Variants in RNF31 observed in about 807,000 individuals in gnomAD.
RNF31 encodes the protein ring finger protein 31.
Under a neutral mutation model 133.6 loss-of-function variants are expected in RNF31, and 38 were observed. That is an observed-to-expected ratio of 0.28 (90% CI 0.22 to 0.37). RNF31 has a LOEUF of 0.37. Among genes scored for constraint, RNF31 ranks in the 10% least tolerant of loss-of-function variants. The probability of loss-of-function intolerance (pLI) is 1.00; values close to 1 mark genes in which losing one functional copy is unlikely to be tolerated. For synonymous variants in RNF31, 582 were observed against 552.3 expected, an observed-to-expected ratio of 1.05 and a Z score of -0.75; for missense variants, 1,118 against 1,394.1, an observed-to-expected ratio of 0.80 and a Z score of 3.15.
intron 15 of RNF31, 45 bp downstream of exon 15, chr14:24,157,449 G>T (rs768483180): frequency 6.6e-5 from 106 of 1,602,590 alleles, no homozygotes; most frequent in South Asian, 5.2e-4. Context: ...GCCTGTCATT[G>T]CCAGCAGCTC....
At chr14:24,152,134 AG>A (rs2139082461) in intron 11 of RNF31, 142 bp downstream of exon 11, 1 of 757,316 alleles carries the variant, frequency 1.3e-6, no homozygotes, top group Admixed American at 3.0e-5. Flanking sequence ...GGGGGAAGTC[AG>A]GAACAGGCTT....
intron 5 of RNF31, chr14:24,149,127 C>T (rs1173606336): frequency 1.7e-6 from 1 of 594,622 alleles, no homozygotes; most frequent in African/African-American, 1.9e-5. Context: ...CCGCGCTCGG[C>T]TAATTTTGTA....
At position 24,149,497 on chromosome 14, in the gene RNF31, C is replaced by T. The variant is rs1255224858; in HGVS notation, c.723C>T (p.Asp241=). 1 of 1,614,154 alleles carries T rather than the reference C, an allele frequency of 6.2e-7. No homozygotes were observed. Among genetic ancestry groups the T allele is most frequent in the Non-Finnish European group, 8.5e-7 (1 of 1,180,022 alleles). ...SCKQALCPAC[D]HLFHGHPSRA... is the part of the protein sequence containing the mutation. ...AACAGGCCCTGTGTCCAGCCTGTGA[C>T]CACCTGTTCCATGGACACCCATCCC... is the stretch of plus-strand genomic sequence containing the variant. Residue 241 remains aspartate (D), a synonymous_variant, in exon 6 of 21, where the codon GAC becomes GAT. Coordinates refer to ENST00000324103, the MANE Select transcript of RNF31 (RefSeq NM_017999.5).
In RNF31 at chr14:24,151,478, C is replaced by A; in HGVS notation, c.1738-7C>A. ...CTTCATTCCCCCTTGCCACTCCCATCTTGCAGGTGCAGGAGCTCCAGTCTC... is the reference window on the plus strand; with the variant it reads ...CTTCATTCCCCCTTGCCACTCCCATATTGCAGGTGCAGGAGCTCCAGTCTC... On this transcript the variant is annotated splice_region_variant and splice_polypyrimidine_tract_variant and intron_variant, in intron 9 of 20. Coordinates refer to ENST00000324103, the MANE Select transcript of RNF31 (RefSeq NM_017999.5). This position sits in a 1 kb window ranked among gnomAD's most constrained non-coding sequence, Gnocchi z 5.3. The A allele has an allele frequency of 6.2e-7, 1 of 1,614,072 alleles. No individual in the cohort carries two copies. The highest frequency in any genetic ancestry group is 1.1e-5 in the South Asian group (1 of 91,082).
At chr14:24,157,483 A>C (rs1458264611) in intron 15 of RNF31, 37 bp from the exon 16 acceptor site, 1 of 1,603,812 alleles carries the variant, frequency 6.2e-7, no homozygotes, top group Admixed American at 1.7e-5. Context: ...CTTGAGTTGC[A>C]GCGGCAGCTC....
At chr14:24,158,473 T>G (rs930039412) in intron 18 of RNF31, 28 of 515,314 alleles carry the variant, frequency 5.4e-5, no homozygotes, top group Middle Eastern at 5.1e-4. Context: ...CATAATTAAT[T>G]AATTAGTTCA....
At chr14:24,150,575 G>A (rs750016565) in intron 7 of RNF31, 23 bp from the exon 8 acceptor site, 25 of 1,599,974 alleles carry the variant, frequency 1.6e-5, no homozygotes, top group Non-Finnish European at 2.1e-5. Context: ...CAGTCAAAGG[G>A]ATAATTCTCT....
intron 11 of RNF31, among the ~76,000 whole-genome samples, chr14:24,153,319 C>T (rs2038296284): frequency 6.6e-6 from 1 of 152,124 alleles, no homozygotes; most frequent in South Asian, 2.1e-4. Context: ...TGGCTCACGC[C>T]TGTCATCCCT....
chr14:24,151,826 G>GT lies in RNF31; in HGVS notation c.1964_1965insT (p.Trp656LeufsTer19). ...CTTTTGGCAGTCTACGCACTCCCCA[G>GT]CTGGGGCCGGGCAGAGCTGGCACTG... On this transcript the variant is annotated frameshift_variant, in exon 11 of 21. Coordinates refer to ENST00000324103, the MANE Select transcript of RNF31 (RefSeq NM_017999.5). LOFTEE classifies it high-confidence loss of function. The surrounding 1 kb of genome is among the most constrained non-coding windows in gnomAD (Gnocchi z 5.3). 6.2e-7 allele frequency: 1 copy of GT among 1,613,776 alleles called. No homozygotes were observed.
At chr14:24,150,524 C>T (rs1323955583) in intron 7 of RNF31, 74 bp from the exon 8 acceptor site, 2 of 1,573,624 alleles carry the variant, frequency 1.3e-6, no homozygotes, top group Non-Finnish European at 1.7e-6. Flanking sequence ...TCCTTCAGTT[C>T]CTCCCAACTC....
In RNF31 at chr14:24,157,418, AC is replaced by A. The variant is rs1360856894; in HGVS notation, c.2608+15del. The A allele has an allele frequency of 6.2e-7, 1 of 1,605,650 alleles. No individual in the cohort carries two copies. Among genetic ancestry groups the A allele is most frequent in the Non-Finnish European group, 8.5e-7 (1 of 1,173,104 alleles). On this transcript the variant is annotated intron_variant, in intron 15 of 20. Transcript: ENST00000324103. The stretch of plus-strand genomic sequence containing the variant: ...AAAACGGCATTGGTAAGGCCTCCCT[AC>A]TCGGCCTGTTTGCTCAGAAGCCTGT...
At chr14:24,159,190 C>A (rs1292179095) in intron 18 of RNF31, among the ~76,000 whole-genome samples, 1 of 147,856 alleles carries the variant, frequency 6.8e-6, no homozygotes, top group Non-Finnish European at 1.5e-5. Context: ...ACTAAAAATA[C>A]AAAAAAATTA....
rs777855826 is a variant in RNF31 at position 24,151,937 on chromosome 14, G to A, written c.2075G>A (p.Arg692His). Residue 692 changes from arginine (R) to histidine (H), a missense_variant, in exon 11 of 21, where the codon CGC becomes CAC. Arg to His is a conservative substitution (Grantham distance 29). Transcript: ENST00000324103. The surrounding 1 kb of genome is among the most constrained non-coding windows in gnomAD (Gnocchi z 5.3). ...VRHSQDRAFL[R>H]RLLAQECAVC... ...CACAGCCAGGACCGGGCCTTCCTGC[G>A]CCGCTTGCTTGCCCAGGAGTGTGCC... The A allele has an allele frequency of 1.6e-5, 26 of 1,614,022 alleles. No homozygotes were observed. Among genetic ancestry groups the A allele is most frequent in the Middle Eastern group, 1.6e-4 (1 of 6,084 alleles).
Position 24,155,189 on chromosome 14 carries a change from C to T in RNF31, c.2163C>T (p.Ile721=), listed in dbSNP as rs763376004. 3 of 1,614,202 alleles carry T rather than the reference C, an allele frequency of 1.9e-6. No homozygotes were observed. Among genetic ancestry groups the T allele is most frequent in the South Asian group, 1.1e-5 (1 of 91,090 alleles). ...MQALTSCECT[I]CPDCFRQHFT... is the part of the protein sequence containing the mutation. The stretch of plus-strand genomic sequence containing the variant: ...CCCTGACTTCCTGTGAGTGCACCAT[C>T]TGTCCTGACTGCTTCCGCCAGCACT... Residue 721 remains isoleucine, a synonymous_variant, in exon 12 of 21, where the codon ATC becomes ATT. Coordinates refer to ENST00000324103, the MANE Select transcript of RNF31 (RefSeq NM_017999.5). This position sits in a 1 kb window ranked among gnomAD's most constrained non-coding sequence, Gnocchi z 4.9.
intron 6 of RNF31, among the ~76,000 whole-genome samples, 168 bp from the exon 7 acceptor site, chr14:24,149,893 T>A (rs1379076227): frequency 1.3e-5 from 2 of 152,206 alleles, no homozygotes; most frequent in Non-Finnish European, 2.9e-5. Flanking sequence ...AGCTTTAAGC[T>A]GTCATTTAAA....
rs1485706899 is a variant in RNF31, at chr14:24,155,238, C to T, written c.2212C>T (p.His738Tyr). The part of the protein sequence containing the change: ...QHFTIALKEK[H>Y]ITDMVCPACG... Reference sequence around the variant, plus strand: ...CTTCACCATCGCCTTGAAGGAGAAGCACATCACAGACATGGTGTGCCCTGC... The same window carrying T: ...CTTCACCATCGCCTTGAAGGAGAAGTACATCACAGACATGGTGTGCCCTGC... Residue 738 changes from histidine (H) to tyrosine (Y), a missense_variant, in exon 12 of 21, where the codon CAC becomes TAC. This residue lies in a region of RNF31 where 201 missense variants were observed against 371.7 expected (regional missense o/e 0.54). Transcript: ENST00000324103. This position sits in a 1 kb window ranked among gnomAD's most constrained non-coding sequence, Gnocchi z 4.9. 1 of 1,614,048 alleles carries T rather than the reference C, an allele frequency of 6.2e-7. No homozygotes were observed. Among genetic ancestry groups the T allele is most frequent in the East Asian group, 2.2e-5 (1 of 44,894 alleles).
intron 18 of RNF31, 55 bp downstream of exon 18, chr14:24,158,254 G>C: frequency 1.3e-6 from 2 of 1,535,394 alleles, no homozygotes; most frequent in Non-Finnish European, 9.0e-7. Flanking sequence ...GGCTCCCACC[G>C]TGTGATGGGT....
At chr14:24,154,858 G>C (rs1486240692) in intron 11 of RNF31, 2 of 410,766 alleles carry the variant, frequency 4.9e-6, no homozygotes, top group Non-Finnish European at 8.9e-6. Context: ...CCATGAAGCT[G>C]TTCTCCACCT....
At position 24,157,883 on chromosome 14, in the gene RNF31, C is replaced by A; in HGVS notation, c.2728-15C>A. On this transcript the variant is annotated splice_polypyrimidine_tract_variant and intron_variant, in intron 16 of 20. Transcript: ENST00000324103. ...CAGTCTCCAACTTCCTCTCTCCCAT[C>A]TGGGTTTCTGCCAGAAATGTCCAGA... is the stretch of plus-strand genomic sequence containing the variant. 6.2e-7 allele frequency: 1 copy of A among 1,609,558 alleles called. No individual in the cohort carries two copies. Among genetic ancestry groups the A allele is most frequent in the South Asian group, 1.1e-5 (1 of 90,944 alleles).
Sources: gnomAD v4.1 joint callset for allele counts (sites outside exome capture counted in the v4.1 genomes callset) on GRCh38, gnomAD v4.1.1 for gene constraint, gnomAD v4.1.1 regional missense constraint, Gnocchi (gnomAD v3.1) non-coding constraint, MANE v1.5 for transcripts, NCBI Gene and HGNC (gene_info 2026-07-23, HGNC 2026-07-21) for gene names.